Variants in KIF26B observed in about 807,000 individuals in gnomAD.
KIF26B encodes the protein kinesin-like protein KIF26B.
KIF26B carries 63 observed loss-of-function variants against 151.2 expected under a neutral mutation model. That is an observed-to-expected ratio of 0.42 (90% CI 0.34 to 0.51). The LOEUF is 0.51. Ranked by LOEUF, KIF26B falls within the 20% of genes least tolerant of loss-of-function variation. The pLI is 0.07. For missense variants in KIF26B, 2,813 were observed against 2,913.6 expected (o/e 0.97, Z 0.79); for synonymous variants, 1,357 against 1,262.1 (o/e 1.08, Z -1.59).
At position 245,607,768 on chromosome 1, in the gene KIF26B, A is replaced by C. The variant is rs2043472486; in HGVS notation, c.1651+24A>C. ...GGGTTCGTGAGAGTTTCACTTTCTC[A>C]TGCGGCTCGTTGAGCTCCCTGTCAT... On this transcript the variant is annotated intron_variant, in intron 7 of 14. Coordinates refer to ENST00000407071, the MANE Select transcript of KIF26B (RefSeq NM_018012.4). 4 of 1,585,836 alleles carry C rather than the reference A, an allele frequency of 2.5e-6. No individual in the cohort carries two copies. In the Admixed American group the frequency reaches 5.2e-5, roughly 21 times the overall value.
Position 245,156,521 on chromosome 1 carries a change from C to T in KIF26B, c.303C>T (p.Gly101=), listed in dbSNP as rs1558327580. ...GCACTAGTTCGCCGGGCTCCTTGGG[C>T]GGCTCTCCGGGCTTCGGCACAGGCT... ...GIGTSSPGSL[G]GSPGFGTGSP... The change falls in exon 2 of 15, where the codon GGC becomes GGT. Residue 101 remains glycine (G), a synonymous_variant. Coordinates refer to ENST00000407071, the MANE Select transcript of KIF26B (RefSeq NM_018012.4). 3.9e-6 allele frequency: 6 copies of T among 1,532,972 alleles called. No homozygotes were observed. Among genetic ancestry groups the T allele is most frequent in the Admixed American group, 1.9e-5 (1 of 52,184 alleles). The allele number at this position is 1,532,972 out of a possible 1,614,324, so 95.0% of individuals were successfully genotyped here. A position where few individuals can be genotyped will look rare whatever the true frequency, so the allele number is the denominator to read the frequency against.
chr1:245,377,464 G>A (rs577965084), intron 3 of KIF26B, among the ~76,000 whole-genome samples: 7 of 152,162 alleles, frequency 4.6e-5, no homozygotes, highest in Non-Finnish European at 1.0e-4. Context: ...AATCCAGTAG[G>A]ATCTCATCTC....
intron 2 of KIF26B, among the ~76,000 whole-genome samples, chr1:245,331,475 C>A (rs61740159): frequency 6.6e-6 from 1 of 152,132 alleles, no homozygotes; most frequent in Non-Finnish European, 1.5e-5. Context: ...TTTGAGGTAC[C>A]CACATTTGCC....
At chr1:245,404,514 T>C (rs1224635904) in intron 3 of KIF26B, among the ~76,000 whole-genome samples, 2 of 152,190 alleles carry the variant, frequency 1.3e-5, no homozygotes, top group African/African-American at 4.8e-5. Flanking sequence ...TAGTTGGTAT[T>C]GACTTTGCCT....
chr1:245,285,724 C>T lies in KIF26B; in HGVS notation c.466-81110C>T, dbSNP rs1671154537. Among the ~76,000 whole-genome samples, 2 of 151,036 alleles carry T rather than the reference C, an allele frequency of 1.3e-5. 1 individual carries two copies. Among genetic ancestry groups the T allele is most frequent in the South Asian group, 4.2e-4 (2 of 4,770 alleles). On this transcript the variant is annotated intron_variant, in intron 2 of 14. Coordinates refer to ENST00000407071, the MANE Select transcript of KIF26B (RefSeq NM_018012.4). ...CTGGGAGGCCGAGGAGGGAGGATCA[C>T]TTGAGCCCAGGAGTTTGAGACCAGC...
At chr1:245,510,678 CCTCT>C (rs939540237) in intron 4 of KIF26B, among the ~76,000 whole-genome samples, 2 of 149,586 alleles carry the variant, frequency 1.3e-5, no homozygotes, top group African/African-American at 2.5e-5. Flanking sequence ...TCCCTCCCTC[CCTCT>C]CTCTCTCTGA....
At chr1:245,337,217 G>C (rs1051702644) in intron 2 of KIF26B, among the ~76,000 whole-genome samples, 12 of 151,840 alleles carry the variant, frequency 7.9e-5, no homozygotes, top group Non-Finnish European at 1.3e-4. Context: ...TGTCACCCAG[G>C]CTGGAGTACA....
chr1:245,695,396 A>G (rs980425359), intron 12 of KIF26B, among the ~76,000 whole-genome samples: 10 of 152,266 alleles, frequency 6.6e-5, no homozygotes, highest in African/African-American at 2.4e-4. Context: ...ACCTAAGTGA[A>G]GCTCACATGC....
intron 5 of KIF26B, among the ~76,000 whole-genome samples, chr1:245,596,382 G>T (rs145014144): frequency 0.042 from 6,359 of 152,270 alleles, 169 homozygotes; most frequent in Middle Eastern, 0.11. Flanking sequence ...TGGTTTCAAA[G>T]AAATTATTTA....
chr1:245,540,088 C>T lies in KIF26B; in HGVS notation c.1167-679C>T, dbSNP rs1661578643. Among the ~76,000 whole-genome samples the T allele has an allele frequency of 6.6e-6, 1 of 152,198 alleles. No homozygotes were observed. On this transcript the variant is annotated intron_variant, in intron 4 of 14. Transcript: ENST00000407071. This position sits in a 1 kb window ranked among gnomAD's most constrained non-coding sequence, Gnocchi z 4.6. ...TTCACACTCTGTGCCCCCTTCAGTGCTTTGACCCCTTACTCCTCGCACTTG... is the reference window on the plus strand; with the variant it reads ...TTCACACTCTGTGCCCCCTTCAGTGTTTTGACCCCTTACTCCTCGCACTTG...
At chr1:245,313,915 G>A (rs1671711993) in intron 2 of KIF26B, among the ~76,000 whole-genome samples, 1 of 152,048 alleles carries the variant, frequency 6.6e-6, no homozygotes, top group African/African-American at 2.4e-5. Flanking sequence ...CTTCTTTCAT[G>A]GCACCCCTCC....
chr1:245,181,802 G>T (rs186807082), intron 2 of KIF26B, among the ~76,000 whole-genome samples: 2 of 152,224 alleles, frequency 1.3e-5, no homozygotes, highest in Admixed American at 6.5e-5. Context: ...TCTCAGCTTT[G>T]TGAGACAGAA....
At chr1:245,251,612 T>C (rs1670446031) in intron 2 of KIF26B, among the ~76,000 whole-genome samples, 1 of 152,220 alleles carries the variant, frequency 6.6e-6, no homozygotes, top group South Asian at 2.1e-4. Flanking sequence ...TGGTAAAAGA[T>C]ATGAATCTCA....
chr1:245,223,593 T>A (rs780522879), intron 2 of KIF26B, among the ~76,000 whole-genome samples: 40 of 152,302 alleles, frequency 2.6e-4, no homozygotes, highest in Non-Finnish European at 4.4e-4. Context: ...GTTCTCATAG[T>A]TTTGTGTGTT....
At chr1:245,206,560 A>G (rs924623166) in intron 2 of KIF26B, 5 of 152,234 alleles carry the variant, frequency 3.3e-5, no homozygotes, top group African/African-American at 9.6e-5. Context: ...GCAGGCAGTT[A>G]TTGATCTGAA....
intron 4 of KIF26B, among the ~76,000 whole-genome samples, chr1:245,427,488 A>G (rs1372991924): frequency 6.6e-6 from 1 of 152,116 alleles, no homozygotes; most frequent in Non-Finnish European, 1.5e-5. Context: ...CACGCCTGTA[A>G]TCCCGTCTAC....
intron 4 of KIF26B, 31 bp downstream of exon 4, chr1:245,419,776 T>C: frequency 7.6e-6 from 12 of 1,573,286 alleles, no homozygotes; most frequent in Non-Finnish European, 1.0e-5. Context: ...CTTGGTTCTT[T>C]CCGATGAGCC....
chr1:245,288,110 C>T (rs965976380), intron 2 of KIF26B, among the ~76,000 whole-genome samples: 5 of 152,098 alleles, frequency 3.3e-5, no homozygotes, highest in African/African-American at 1.2e-4. Flanking sequence ...ACTCTACTTT[C>T]GGAGCGAGCA....
intron 2 of KIF26B, among the ~76,000 whole-genome samples, chr1:245,242,712 C>T (rs532957927): frequency 3.9e-5 from 6 of 152,146 alleles, no homozygotes; most frequent in South Asian, 2.1e-4. Context: ...AGTGGAGTGG[C>T]GTGATCTCGG....
Sources: gnomAD v4.1 joint callset for allele counts (sites outside exome capture counted in the v4.1 genomes callset) on GRCh38, gnomAD v4.1.1 for gene constraint, Gnocchi (gnomAD v3.1) non-coding constraint, MANE v1.5 for transcripts, NCBI Gene and HGNC (gene_info 2026-07-23, HGNC 2026-07-21) for gene names.